Variants in ITGAX observed in about 807,000 individuals in gnomAD.
ITGAX encodes the protein integrin alpha-X.
ITGAX carries 99 observed loss-of-function variants against 140.2 expected under a neutral mutation model. The ratio of observed to expected loss-of-function variants is 0.71; its 90% CI spans 0.60 to 0.83. ITGAX has a LOEUF of 0.83. Among genes scored for constraint, ITGAX ranks in the 40% least tolerant of loss-of-function variants. ITGAX has a pLI of 0.00. For synonymous variants in ITGAX, 631 were observed against 600.4 expected (o/e 1.05, Z -0.75); for missense variants, 1,444 against 1,482.0 (o/e 0.97, Z 0.42).
intron 20 of ITGAX, among the ~76,000 whole-genome samples, chr16:31,375,324 G>C (rs2081010336): frequency 6.6e-6 from 1 of 152,174 alleles, no homozygotes; most frequent in Non-Finnish European, 1.5e-5. Flanking sequence ...CCCAGGAGTG[G>C]GTTTCTAATT....
rs772175007 is a variant in ITGAX, at chr16:31,379,843, T to C, written c.2955T>C (p.Asp985=). 1 of 1,614,142 alleles carries C rather than the reference T, an allele frequency of 6.2e-7. No homozygotes were observed. The highest frequency in any genetic ancestry group is 1.1e-5 in the South Asian group (1 of 91,074). The stretch of plus-strand genomic sequence containing the variant: ...TGAACCAGGAGGCTGTGTGGATGGA[T>C]GTGGAGGTCTCCCACCCCCAGGTAC... ...VELNQEAVWM[D]VEVSHPQNPS... is the part of the protein sequence containing the mutation. Residue 985 remains aspartate (D), a synonymous_variant, in exon 25 of 30, where the codon GAT becomes GAC. Coordinates refer to ENST00000268296, the MANE Select transcript of ITGAX (RefSeq NM_000887.5).
chr16:31,361,260 C>T (rs1213346929), intron 9 of ITGAX, 47 bp downstream of exon 9: 2 of 1,563,600 alleles, frequency 1.3e-6, no homozygotes, highest in South Asian at 2.3e-5. Flanking sequence ...CAGCCGTTAA[C>T]ACCTTTCCAC....
rs1357993534 is a variant in ITGAX, at chr16:31,372,629, T to C, written c.2325T>C (p.His775=). 1 of 1,614,130 alleles carries C rather than the reference T, an allele frequency of 6.2e-7. No homozygotes were observed. Among genetic ancestry groups the C allele is most frequent in the Non-Finnish European group, 8.5e-7 (1 of 1,180,006 alleles). Residue 775 remains histidine (H), a synonymous_variant, in exon 19 of 30, where the codon CAT becomes CAC. Coordinates refer to ENST00000268296, the MANE Select transcript of ITGAX (RefSeq NM_000887.5). ...LPFEKNCGAD[H]ICQDNLGISF... is the part of the protein sequence containing the mutation. ...TTGAGAAGAACTGTGGAGCCGACCA[T>C]ATCTGCCAGGACAATCTCGGCATCT... is the stretch of plus-strand genomic sequence containing the variant.
In ITGAX at chr16:31,379,678, G is replaced by C. The variant is rs1050277389; in HGVS notation, c.2868+32G>C. ...GGTGGAGACGCAGGAGACTGGGCTG[G>C]GGTGGGAGGCTGGGAGCCGGAGACT... is the stretch of plus-strand genomic sequence containing the variant. On this transcript the variant is annotated intron_variant, in intron 24 of 29. Coordinates refer to ENST00000268296, the MANE Select transcript of ITGAX (RefSeq NM_000887.5). The C allele has an allele frequency of 1.5e-5, 24 of 1,573,040 alleles. No homozygotes were observed. In the African/African-American group the frequency reaches 3.2e-4, roughly 21 times the overall value.
In ITGAX at chr16:31,377,079, G is replaced by C. The variant is rs139090054; in HGVS notation, c.2705G>C (p.Ser902Thr). 1.9e-6 allele frequency: 3 copies of C among 1,614,040 alleles called. No homozygotes were observed. The African/African-American group carries it at 4.0e-5, about 22-fold the overall frequency. ...DRLLLTANVS[S>T]ENNTPRTSKT... is the part of the protein sequence containing the mutation. ...CTGCTTCTGACAGCCAATGTGAGCA[G>C]GTGAGCCGGGCCAGGCCAGGGGCAG... Residue 902 changes from serine (S) to threonine (T), a missense_variant and splice_region_variant, in exon 22 of 30, where the codon AGT becomes ACT. By Grantham distance (58) the Ser-to-Thr change is moderately conservative. Transcript: ENST00000268296.
In ITGAX at chr16:31,357,080, C is replaced by T; in HGVS notation, c.297C>T (p.Thr99=). ...CCCTGGGCCTGTCCCTGGCGTCTAC[C>T]ACCAGCCCTTCCCAGCTGCTGGTGA... The part of the protein sequence containing the change: ...NMSLGLSLAS[T]TSPSQLLACG... The change falls in exon 4 of 30, where the codon ACC becomes ACT. Residue 99 remains threonine, a synonymous_variant. Coordinates refer to ENST00000268296, the MANE Select transcript of ITGAX (RefSeq NM_000887.5). 1 of 1,609,546 alleles carries T rather than the reference C, an allele frequency of 6.2e-7. No individual in the cohort carries two copies.
rs561366675 is a variant in ITGAX at position 31,372,314 on chromosome 16, A to G, written c.2161-64A>G. On this transcript the variant is annotated intron_variant, in intron 17 of 29. Coordinates refer to ENST00000268296, the MANE Select transcript of ITGAX (RefSeq NM_000887.5). ...GGCAGAGGCAGGATAAGAACTGCGG[A>G]TGAGGCCGAGCGCAGCTCTTACCCT... is the stretch of plus-strand genomic sequence containing the variant. The G allele has an allele frequency of 9.7e-6, 15 of 1,552,556 alleles. No homozygotes were observed. The South Asian group carries it at 1.8e-4, about 19-fold the overall frequency.
chr16:31,357,185 T>C, intron 4 of ITGAX, 68 bp from the exon 5 acceptor site: 1 of 1,543,172 alleles, frequency 6.5e-7, no homozygotes, highest in East Asian at 2.3e-5. Flanking sequence ...TCCTGTAGGG[T>C]GGAGGTTCCG....
chr16:31,370,529 A>G (rs979766261), intron 14 of ITGAX, among the ~76,000 whole-genome samples: 1 of 152,164 alleles, frequency 6.6e-6, no homozygotes, highest in African/African-American at 2.4e-5. Context: ...GTCTGCAGTC[A>G]GCCTCTTAAA....
At chr16:31,378,536 A>G (rs2081040035) in intron 23 of ITGAX, among the ~76,000 whole-genome samples, 1 of 146,532 alleles carries the variant, frequency 6.8e-6, no homozygotes, top group Admixed American at 6.8e-5. Context: ...GTGTGATCAC[A>G]GCTCACAGCA....
In ITGAX at chr16:31,361,044, T is replaced by G. The variant is rs1227354213; in HGVS notation, c.862-19T>G. ...ATTTGATTTATTATTTTTACTGAGTTGATCTTTTCTGGGGACAGGTTGGAT... is the reference window on the plus strand; with the variant it reads ...ATTTGATTTATTATTTTTACTGAGTGGATCTTTTCTGGGGACAGGTTGGAT... On this transcript the variant is annotated intron_variant, in intron 8 of 29. Coordinates refer to ENST00000268296, the MANE Select transcript of ITGAX (RefSeq NM_000887.5). The G allele has an allele frequency of 6.2e-7, 1 of 1,609,580 alleles. No individual in the cohort carries two copies. The highest frequency in any genetic ancestry group is 1.7e-5 in the Admixed American group (1 of 58,646).
chr16:31,362,473 A>C, intron 11 of ITGAX, 138 bp from the exon 12 acceptor site: 1 of 682,708 alleles, frequency 1.5e-6, no homozygotes, highest in Non-Finnish European at 1.8e-6. Context: ...TTCTGGGGAG[A>C]GAGGATGGGG....
chr16:31,377,212 C>T lies in ITGAX; in HGVS notation c.2736C>T (p.Thr912=), dbSNP rs1225071483. 1 of 1,613,988 alleles carries T rather than the reference C, an allele frequency of 6.2e-7. No homozygotes were observed. Among genetic ancestry groups the T allele is most frequent in the Non-Finnish European group, 8.5e-7 (1 of 1,180,008 alleles). Residue 912 remains threonine, a synonymous_variant, in exon 23 of 30, where the codon ACC becomes ACT. Transcript: ENST00000268296. ...ACAACACTCCCAGGACCAGCAAGAC[C>T]ACCTTCCAGCTGGAGCTCCCGGTGA... is the stretch of plus-strand genomic sequence containing the variant. ...SENNTPRTSK[T]TFQLELPVKY...
At chr16:31,365,122 C>T (rs1246037501) in intron 14 of ITGAX, among the ~76,000 whole-genome samples, 1 of 152,144 alleles carries the variant, frequency 6.6e-6, no homozygotes, top group Non-Finnish European at 1.5e-5. Flanking sequence ...CAGAAGGCCA[C>T]ATGTATTCAG....
chr16:31,374,224 G>A (rs2080999249), intron 20 of ITGAX, among the ~76,000 whole-genome samples: 1 of 152,130 alleles, frequency 6.6e-6, no homozygotes, highest in Non-Finnish European at 1.5e-5. Flanking sequence ...GGAAGACGGA[G>A]GTTGCAGTGA....
intron 9 of ITGAX, 160 bp downstream of exon 9, chr16:31,361,373 C>A (rs1191344190): frequency 7.0e-6 from 6 of 853,580 alleles, no homozygotes; most frequent in Non-Finnish European, 1.1e-5. Flanking sequence ...ACTGACGTCC[C>A]CCAGCACTGT....
rs747591972 is a variant in ITGAX, at chr16:31,356,716, A to G, written c.235A>G (p.Ile79Val). 3.8e-5 allele frequency: 61 copies of G among 1,587,788 alleles called. No homozygotes were observed. In the Middle Eastern group the frequency reaches 1.4e-3, roughly 35 times the overall value. The change falls in exon 3 of 30, where the codon ATC (isoleucine) becomes GTC (valine). Residue 79 changes from isoleucine (I) to valine (V), a missense_variant. Ile to Val is a conservative substitution (Grantham distance 29). Coordinates refer to ENST00000268296, the MANE Select transcript of ITGAX (RefSeq NM_000887.5). ...CGYSTGACEP[I>V]GLQVPPEAVN... The stretch of plus-strand genomic sequence containing the variant: ...CTACAGCACTGGTGCCTGTGAGCCC[A>G]TCGGCCTGCAGGGTGAGTCACCGCC...
Position 31,355,979 on chromosome 16 carries a change from G to A in ITGAX, c.124G>A (p.Val42Ile), listed in dbSNP as rs2080755613. ...CAGCGCTGGGTTTGGAGACAGCGTGGTCCAGTATGCCAACTCCTGGTGAGG... is the reference window on the plus strand; with the variant it reads ...CAGCGCTGGGTTTGGAGACAGCGTGATCCAGTATGCCAACTCCTGGTGAGG... ...VDSAGFGDSV[V>I]QYANSWVVVG... Residue 42 changes from valine to isoleucine, a missense_variant, in exon 2 of 30, where the codon GTC (valine) becomes ATC (isoleucine). Coordinates refer to ENST00000268296, the MANE Select transcript of ITGAX (RefSeq NM_000887.5). 9 of 1,613,116 alleles carry A rather than the reference G, an allele frequency of 5.6e-6. No individual in the cohort carries two copies. The highest frequency in any genetic ancestry group is 6.8e-6 in the Non-Finnish European group (8 of 1,179,360).
At chr16:31,357,405 C>T (rs754880697) in intron 5 of ITGAX, 41 bp downstream of exon 5, 2 of 1,337,174 alleles carry the variant, frequency 1.5e-6, no homozygotes, top group East Asian at 2.5e-5. Context: ...AGCTCACGCA[C>T]ATCCAATTGG....
Sources: gnomAD v4.1 joint callset for allele counts (sites outside exome capture counted in the v4.1 genomes callset) on GRCh38, gnomAD v4.1.1 for gene constraint, MANE v1.5 for transcripts, NCBI Gene and HGNC (gene_info 2026-07-23, HGNC 2026-07-21) for gene names.